Variants in CPNE4 observed in about 807,000 individuals in gnomAD.
CPNE4 encodes copine 4, also known as copine-4.
Under a neutral mutation model 67.9 loss-of-function variants are expected in CPNE4, and 25 were observed. The observed-to-expected ratio is 0.37, with a 90% confidence interval of 0.27 to 0.51. The LOEUF (loss-of-function observed/expected upper bound fraction) is 0.51. Among genes scored for constraint, CPNE4 ranks in the 20% least tolerant of loss-of-function variants. The pLI is 0.93. For synonymous variants in CPNE4, 242 were observed against 244.9 expected (o/e 0.99, Z 0.11); for missense variants, 464 against 690.8 (o/e 0.67, Z 3.68).
At chr3:131,691,283 G>C (rs890616900) in intron 5 of CPNE4, among the ~76,000 whole-genome samples, 1 of 152,164 alleles carries the variant, frequency 6.6e-6, no homozygotes, top group Non-Finnish European at 1.5e-5. Flanking sequence ...ATTCACAATA[G>C]CAAGGGCATA....
chr3:131,767,260 C>CGTGT (rs67444198), intron 2 of CPNE4, among the ~76,000 whole-genome samples: 36,029 of 150,164 alleles, frequency 0.24, 4,438 homozygotes, highest in East Asian at 0.3. Flanking sequence ...TAAGTGTGAG[C>CGTGT]GTGTGTGTGT....
At chr3:131,582,363 A>G (rs1477850761) in intron 8 of CPNE4, among the ~76,000 whole-genome samples, 3 of 152,226 alleles carry the variant, frequency 2.0e-5, no homozygotes, top group Non-Finnish European at 4.4e-5. Context: ...ATAGGTCTCC[A>G]GCCTACAGAA....
chr3:131,672,165 T>A (rs2080434667), intron 6 of CPNE4, among the ~76,000 whole-genome samples: 1 of 152,164 alleles, frequency 6.6e-6, no homozygotes, highest in Admixed American at 6.6e-5. Flanking sequence ...TTATTTGTAC[T>A]TTTTAGAGTA....
In CPNE4 at chr3:131,534,729, T is replaced by C. The variant is rs1389033202; in HGVS notation, c.*466A>G. The C allele has an allele frequency of 6.6e-6, 1 of 152,664 alleles. No individual in the cohort carries two copies. The highest frequency in any genetic ancestry group is 1.5e-5 in the Non-Finnish European group (1 of 68,104). 9.5% of individuals were successfully genotyped at this position (152,664 alleles called of 1,614,324 possible). A position where few individuals can be genotyped will look rare whatever the true frequency, so the allele number is the denominator to read the frequency against. ...CTGCAAAAACCATGTGGGTTTTTCT[T>C]TTTTTATTTTAAACATGCAAAATAC... On this transcript the variant is annotated 3_prime_UTR_variant, in exon 16 of 16. Transcript: ENST00000429747.
At chr3:132,031,459 T>C (rs1419767174) in intron 1 of CPNE4, among the ~76,000 whole-genome samples, 1 of 152,232 alleles carries the variant, frequency 6.6e-6, no homozygotes, top group African/African-American at 2.4e-5. Flanking sequence ...AATACAAAGA[T>C]GCATGAAGTG....
intron 2 of CPNE4, among the ~76,000 whole-genome samples, chr3:131,792,844 TATAC>T (rs1171314531): frequency 1.3e-4 from 20 of 148,604 alleles, no homozygotes; most frequent in South Asian, 6.4e-4. Context: ...CGTGTGTGTA[TATAC>T]ATACATACAT....
chr3:131,805,542 A>T (rs923773228), intron 2 of CPNE4, among the ~76,000 whole-genome samples: 2 of 152,160 alleles, frequency 1.3e-5, no homozygotes, highest in African/African-American at 4.8e-5. Context: ...AATGATTCTC[A>T]CTCAGAGTCT....
chr3:131,735,645 G>A (rs1293113921), intron 2 of CPNE4, among the ~76,000 whole-genome samples: 1 of 152,202 alleles, frequency 6.6e-6, no homozygotes, highest in East Asian at 1.9e-4. Context: ...AGTTTGCATT[G>A]AAGTGTTAAG....
chr3:131,775,010 G>C (rs1170873769), intron 2 of CPNE4, among the ~76,000 whole-genome samples: 1 of 152,076 alleles, frequency 6.6e-6, no homozygotes, highest in African/African-American at 2.4e-5. Flanking sequence ...CAAAACCCAA[G>C]AGCAGTTCAG....
intron 3 of CPNE4, among the ~76,000 whole-genome samples, chr3:131,707,952 T>G (rs2081454934): frequency 6.6e-6 from 1 of 152,116 alleles, no homozygotes; most frequent in Admixed American, 6.6e-5. Flanking sequence ...ACTCCATGGG[T>G]TTATTGTATA....
chr3:131,767,499 T>C (rs997983307), intron 2 of CPNE4, among the ~76,000 whole-genome samples: 6 of 152,080 alleles, frequency 3.9e-5, no homozygotes, highest in African/African-American at 1.2e-4. Context: ...AATAGCCCAG[T>C]TGGCTCCCTT....
chr3:131,622,746 G>A (rs1016370652), intron 7 of CPNE4, among the ~76,000 whole-genome samples: 1 of 152,128 alleles, frequency 6.6e-6, no homozygotes, highest in African/African-American at 2.4e-5. Flanking sequence ...AGGAGAGGGT[G>A]GACACTTACA....
intron 7 of CPNE4, among the ~76,000 whole-genome samples, chr3:131,651,051 C>A (rs1028799780): frequency 5.3e-5 from 8 of 152,092 alleles, no homozygotes; most frequent in Non-Finnish European, 1.0e-4. Flanking sequence ...CTAGGTGAGG[C>A]TCTGAAGAGA....
chr3:131,892,907 AAAGG>A (rs1235194951), intron 2 of CPNE4, among the ~76,000 whole-genome samples: 6 of 152,066 alleles, frequency 3.9e-5, no homozygotes, highest in African/African-American at 9.7e-5. Flanking sequence ...AATGACAGAG[AAAGG>A]AAGGAAGAAA....
At chr3:131,962,102 T>C (rs2072199906) in intron 1 of CPNE4, among the ~76,000 whole-genome samples, 1 of 152,238 alleles carries the variant, frequency 6.6e-6, no homozygotes, top group Admixed American at 6.5e-5. Flanking sequence ...AGACCTTTGC[T>C]GTTCCCCTTT....
At chr3:132,007,626 T>C (rs2073644133) in intron 1 of CPNE4, among the ~76,000 whole-genome samples, 1 of 145,486 alleles carries the variant, frequency 6.9e-6, no homozygotes, top group Non-Finnish European at 1.5e-5. Context: ...ACAGCAGCCC[T>C]TTTTTTTTTT....
intron 2 of CPNE4, among the ~76,000 whole-genome samples, chr3:131,872,725 G>A (rs78669482): frequency 0.35 from 53,826 of 151,716 alleles, 10,725 homozygotes; most frequent in African/African-American, 0.54. Flanking sequence ...TTTATCTCTC[G>A]GGATAATTGA....
Position 131,825,043 on chromosome 3 carries a change from G to T in CPNE4, c.180+80221C>A, listed in dbSNP as rs143915105. The stretch of plus-strand genomic sequence containing the variant: ...GCAGGACCCTTTGAAGGACCTAAGA[G>T]CTTCAGAGCCCGACAAGGGATCTAC... On this transcript the variant is annotated intron_variant, in intron 2 of 15. Coordinates refer to ENST00000429747, the MANE Select transcript of CPNE4 (RefSeq NM_130808.3). Among the ~76,000 whole-genome samples the T allele has an allele frequency of 6.8e-3, 1,040 of 152,246 alleles. 8 individuals are homozygous for T. The highest frequency in any genetic ancestry group is 0.024 in the African/African-American group (991 of 41,538).
chr3:131,949,901 C>T (rs2071670085), intron 1 of CPNE4, among the ~76,000 whole-genome samples: 1 of 152,116 alleles, frequency 6.6e-6, no homozygotes, highest in Admixed American at 6.5e-5. Context: ...ATGAATATAA[C>T]ACAATGTATT....
Sources: allele counts gnomAD v4.1 joint callset (sites outside exome capture counted in the v4.1 genomes callset), GRCh38; gene constraint gnomAD v4.1.1; transcripts MANE v1.5; gene names NCBI Gene and HGNC (gene_info 2026-07-23, HGNC 2026-07-21).